Variants in MYH15 observed in about 807,000 individuals in gnomAD.
MYH15 encodes myosin heavy chain 15, also known as myosin-15.
MYH15 carries 227 observed loss-of-function variants against 240.5 expected under a neutral mutation model. The observed-to-expected ratio is 0.94, with a 90% CI of 0.85 to 1.05. The LOEUF is 1.05. Among genes scored for constraint, MYH15 ranks in the 50% least tolerant of loss-of-function variants. The pLI, the probability that MYH15 is intolerant of heterozygous loss-of-function variation, is 0.00. For synonymous variants in MYH15, 785 were observed against 796.7 expected (o/e 0.99, Z 0.25); for missense variants, 2,217 against 2,247.5 (o/e 0.99, Z 0.27).
At chr3:108,455,366 A>C (rs2083009640) in intron 20 of MYH15, among the ~76,000 whole-genome samples, 3 of 152,222 alleles carry the variant, frequency 2.0e-5, no homozygotes, top group Admixed American at 2.0e-4. Context: ...TCCCTGAAAG[A>C]ATATGGTGGA....
intron 11 of MYH15, among the ~76,000 whole-genome samples, chr3:108,478,110 A>G (rs2083235975): frequency 6.6e-6 from 1 of 152,184 alleles, no homozygotes; most frequent in South Asian, 2.1e-4. Context: ...AAAAAGCTGC[A>G]AATTTTCCAG....
intron 14 of MYH15, 96 bp from the exon 15 acceptor site, chr3:108,464,910 T>C: frequency 9.2e-7 from 1 of 1,085,260 alleles, no homozygotes; most frequent in Non-Finnish European, 1.3e-6. Context: ...CCTAATCAGT[T>C]GACAAAGGGA....
chr3:108,541,870 G>C, the MYH15 span, among the ~76,000 whole-genome samples: 2 of 152,192 alleles, frequency 1.3e-5, no homozygotes, highest in South Asian at 4.1e-4. Context: ...ATATCACATA[G>C]TGAAAAAGGT....
At position 108,402,582 on chromosome 3, in the gene MYH15, C is replaced by T. The variant is rs183737863; in HGVS notation, c.4736+2756G>A. ...AACATCTGACCCTTTAGAGAAAAAGCTTGCCTAGCCTTTCAATCAGTGATC... is the reference window on the plus strand; with the variant it reads ...AACATCTGACCCTTTAGAGAAAAAGTTTGCCTAGCCTTTCAATCAGTGATC... On this transcript the variant is annotated intron_variant, in intron 33 of 40. Coordinates refer to ENST00000693548, the MANE Select transcript of MYH15 (RefSeq NM_014981.3). Among the ~76,000 whole-genome samples the T allele has an allele frequency of 4.5e-3, 692 of 152,276 alleles. 7 individuals carry two copies. The highest frequency in any genetic ancestry group is 0.016 in the African/African-American group (659 of 41,542).
chr3:108,399,419 T>G (rs2082487872), intron 33 of MYH15, 152 bp from the exon 34 acceptor site: 3 of 698,926 alleles, frequency 4.3e-6, no homozygotes, highest in African/African-American at 1.8e-5. Flanking sequence ...GTGCTTTTAT[T>G]TTAAAAACAG....
rs186001426 is a variant in MYH15 at position 108,429,335 on chromosome 3, T to C, written c.3313-454A>G. 4.6e-5 allele frequency among the ~76,000 whole-genome samples: 7 copies of C among 152,354 alleles called. No individual in the cohort carries two copies. In the East Asian group the frequency reaches 1.3e-3, roughly 29 times the overall value. ...AATGAACATCTTCAAGTTCAAGCAA[T>C]TTAATTGTAAGAAATAGCATCAATT... is the stretch of plus-strand genomic sequence containing the variant. On this transcript the variant is annotated intron_variant, in intron 26 of 40. Coordinates refer to ENST00000693548, the MANE Select transcript of MYH15 (RefSeq NM_014981.3).
chr3:108,425,820 T>C (rs149271058), intron 27 of MYH15, among the ~76,000 whole-genome samples: 134 of 152,276 alleles, frequency 8.8e-4, no homozygotes, highest in African/African-American at 3.0e-3. Context: ...TTAATCTTCT[T>C]AGAGATAGTT....
At chr3:108,538,243 C>G in the MYH15 span, among the ~76,000 whole-genome samples, 1 of 152,160 alleles carries the variant, frequency 6.6e-6, no homozygotes, top group South Asian at 2.1e-4. Context: ...TTGTTAGATG[C>G]CAGACTGAGC....
the MYH15 span, among the ~76,000 whole-genome samples, chr3:108,538,491 T>C: frequency 6.6e-6 from 1 of 152,188 alleles, no homozygotes; most frequent in Non-Finnish European, 1.5e-5. Context: ...AGGAAAAACT[T>C]GCATCAATTA....
rs182990550 is a variant in MYH15, at chr3:108,410,192, T to C, written c.4495+391A>G. On this transcript the variant is annotated intron_variant, in intron 31 of 40. Transcript: ENST00000693548. ...TAGTTAAACAGTGCCTGGTACGTAG[T>C]ATGGGCTATAGAAATATTCATTAAA... 3.9e-5 allele frequency among the ~76,000 whole-genome samples: 6 copies of C among 152,302 alleles called. No homozygotes were observed. In the South Asian group the frequency reaches 6.2e-4, roughly 16 times the overall value.
Position 108,414,292 on chromosome 3 carries a change from T to C in MYH15, c.4085A>G (p.Gln1362Arg). Reference sequence around the variant, plus strand: ...ATTGTTTTCATACTTCATTCTCCATTGCACCATTTCAGCATTGACTTTGGA... The same window carrying C: ...ATTGTTTTCATACTTCATTCTCCATCGCACCATTTCAGCATTGACTTTGGA... ...TLSKVNAEMV[Q>R]WRMKYENNVI... Residue 1362 changes from glutamine to arginine, a missense_variant, in exon 30 of 41, where the codon CAA becomes CGA. By Grantham distance (43) the Gln-to-Arg change is conservative. Transcript: ENST00000693548. 6.2e-7 allele frequency: 1 copy of C among 1,614,190 alleles called. No individual in the cohort carries two copies. The highest frequency in any genetic ancestry group is 8.5e-7 in the Non-Finnish European group (1 of 1,180,008).
intron 20 of MYH15, among the ~76,000 whole-genome samples, chr3:108,455,137 T>A (rs2083008096): frequency 6.6e-6 from 1 of 152,202 alleles, no homozygotes; most frequent in African/African-American, 2.4e-5. Flanking sequence ...CTTATATGAA[T>A]GTCATTAGGA....
chr3:108,424,868 G>A (rs747699000), intron 27 of MYH15, among the ~76,000 whole-genome samples: 6 of 152,202 alleles, frequency 3.9e-5, no homozygotes, highest in Non-Finnish European at 8.8e-5. Flanking sequence ...CACAGGATTT[G>A]GAATTGGAGT....
rs112992742 is a variant in MYH15 at position 108,527,975 on chromosome 3, C to T, written c.-58+1288G>A. ...TCTGTATCTGGTGAGGGACTTCTTG[C>T]ATAATTATCCCTTGGTAGGGGACTG... On this transcript the variant is annotated intron_variant, in intron 1 of 41. Coordinates refer to the MYH15 transcript ENST00000273353. Among the ~76,000 whole-genome samples, 694 of 152,252 alleles carry T rather than the reference C, an allele frequency of 4.6e-3. 3 individuals are homozygous for T. Among genetic ancestry groups the T allele is most frequent in the African/African-American group, 0.015 (633 of 41,550 alleles).
intron 6 of MYH15, among the ~76,000 whole-genome samples, chr3:108,496,345 T>C (rs1440578579): frequency 1.3e-5 from 2 of 152,218 alleles, no homozygotes; most frequent in Non-Finnish European, 2.9e-5. Context: ...AATCTAGAGG[T>C]TCACATGAGT....
chr3:108,480,643 GAGAA>G lies in MYH15; in HGVS notation c.1115-4132_1115-4129del, dbSNP rs58241957. 1.1e-3 allele frequency among the ~76,000 whole-genome samples: 168 copies of G among 152,250 alleles called. 5 individuals are homozygous for G. In the East Asian group the frequency reaches 0.031, roughly 28 times the overall value. ...AGCTCCAAATTTGTAATGAGAAAGG[GAGAA>G]AGAGAGACTGAGAAATATGACTAGG... On this transcript the variant is annotated intron_variant, in intron 11 of 40. Coordinates refer to ENST00000693548, the MANE Select transcript of MYH15 (RefSeq NM_014981.3).
chr3:108,430,214 G>A (rs1042355279), intron 26 of MYH15, among the ~76,000 whole-genome samples: 2 of 152,128 alleles, frequency 1.3e-5, no homozygotes, highest in African/African-American at 4.8e-5. Context: ...TTGAGTCATG[G>A]TTATATTACT....
chr3:108,486,333 T>C, intron 10 of MYH15, 90 bp downstream of exon 10: 2 of 1,063,880 alleles, frequency 1.9e-6, no homozygotes, highest in Non-Finnish European at 2.7e-6. Context: ...AGACCACTTC[T>C]CTGGGTCCCT....
At chr3:108,393,926 G>T (rs62267994) in intron 36 of MYH15, 105 bp downstream of exon 36, 139 of 1,523,342 alleles carry the variant, frequency 9.1e-5, no homozygotes, top group Non-Finnish European at 1.2e-4. Context: ...TGGCTGTATG[G>T]GAAATCAATG....
Sources: gnomAD v4.1 joint callset for allele counts (sites outside exome capture counted in the v4.1 genomes callset) on GRCh38, gnomAD v4.1.1 for gene constraint, MANE v1.5 for transcripts, NCBI Gene and HGNC (gene_info 2026-07-23, HGNC 2026-07-21) for gene names.